The following SI variants were observed in gnomAD, a reference collection of about 807,000 sequenced individuals.
The protein encoded by SI is sucrase-isomaltase.
In SI, 235 loss-of-function variants were observed where a neutral mutation model predicts 253.3. The ratio of observed to expected loss-of-function variants is 0.93; its 90% CI spans 0.83 to 1.03. The LOEUF (loss-of-function observed/expected upper bound fraction) is 1.03, where lower values mean the gene tolerates loss of function less well. Among genes scored for constraint, SI ranks in the 50% least tolerant of loss-of-function variants. SI has a pLI of 0.00. For synonymous variants in SI, 819 were observed against 712.0 expected, an observed-to-expected ratio of 1.15 and a Z score of -2.39; for missense variants, 2,442 against 2,211.1, an observed-to-expected ratio of 1.10 and a Z score of -2.09.
chr3:165,017,476 T>C (rs1042047638), intron 31 of SI, 72 bp downstream of exon 31: 34 of 1,441,560 alleles, frequency 2.4e-5, no homozygotes, highest in Non-Finnish European at 3.2e-5. Context: ...AATTAAAGTA[T>C]ACATGTTTAA....
upstream of SI, among the ~76,000 whole-genome samples, chr3:165,079,531 T>C (rs569292754): frequency 2.0e-5 from 3 of 151,830 alleles, no homozygotes; most frequent in African/African-American, 4.8e-5. Context: ...TTTCAGTATA[T>C]AAAATCAGTT....
chr3:165,017,042 G>A (rs1719068400), intron 31 of SI, among the ~76,000 whole-genome samples: 1 of 151,778 alleles, frequency 6.6e-6, no homozygotes, highest in African/African-American at 2.4e-5. Context: ...AAAAAATGAG[G>A]AAATTCAGAG....
chr3:165,004,552 A>G (rs975273397), intron 37 of SI, among the ~76,000 whole-genome samples: 8 of 152,138 alleles, frequency 5.3e-5, no homozygotes, highest in African/African-American at 1.9e-4. Context: ...AGTGTCCATC[A>G]ACAGATGATT....
upstream of SI, among the ~76,000 whole-genome samples, chr3:165,081,589 A>G (rs1290551786): frequency 6.6e-6 from 1 of 152,026 alleles, no homozygotes; most frequent in Non-Finnish European, 1.5e-5. Flanking sequence ...GATGCAACAA[A>G]AAGACAAAAA....
intron 26 of SI, 49 bp from the exon 27 acceptor site, chr3:165,021,432 A>C (rs1345378843): frequency 7.1e-6 from 10 of 1,404,158 alleles, no homozygotes; most frequent in Non-Finnish European, 1.0e-5. Flanking sequence ...CTGACATAGC[A>C]TGTACATATC....
chr3:165,012,925 C>T (rs1718834980), intron 34 of SI, 55 bp downstream of exon 34: 4 of 1,077,192 alleles, frequency 3.7e-6, no homozygotes, highest in Non-Finnish European at 5.8e-6. Context: ...TTAAAATAAT[C>T]AAGTCTAAGT....
At chr3:164,992,979 A>G (rs1717842128) in intron 41 of SI, among the ~76,000 whole-genome samples, 1 of 151,734 alleles carries the variant, frequency 6.6e-6, no homozygotes, top group Non-Finnish European at 1.5e-5. Flanking sequence ...CCACTATTAA[A>G]TGTTCACATT....
chr3:164,991,054 C>T (rs1002414273), intron 44 of SI, among the ~76,000 whole-genome samples: 3 of 151,932 alleles, frequency 2.0e-5, no homozygotes, highest in African/African-American at 7.2e-5. Flanking sequence ...TTTTCCTAAA[C>T]CTGGGGTTCC....
intron 3 of SI, among the ~76,000 whole-genome samples, chr3:165,072,984 T>G (rs1714680335): frequency 6.6e-6 from 1 of 152,124 alleles, no homozygotes; most frequent in Admixed American, 6.6e-5. Context: ...TTTAACTTGC[T>G]TACTTCACAA....
the SI span, among the ~76,000 whole-genome samples, chr3:165,085,990 A>G: frequency 6.6e-6 from 1 of 152,040 alleles, no homozygotes; most frequent in Non-Finnish European, 1.5e-5. Context: ...GTGGTGATTC[A>G]CCCCTGTAAT....
intron 32 of SI, among the ~76,000 whole-genome samples, chr3:165,015,660 T>C (rs1467629031): frequency 1.3e-5 from 2 of 152,062 alleles, no homozygotes; most frequent in Admixed American, 1.3e-4. Flanking sequence ...ACCATTACAT[T>C]TTGATAACTC....
At chr3:164,998,321 C>T (rs922009902) in intron 38 of SI, among the ~76,000 whole-genome samples, 2 of 151,876 alleles carry the variant, frequency 1.3e-5, no homozygotes, top group South Asian at 4.1e-4. Context: ...AACAATGACA[C>T]CATTTCCTCA....
intron 44 of SI, among the ~76,000 whole-genome samples, chr3:164,989,040 C>T (rs1717572646): frequency 6.6e-6 from 1 of 151,560 alleles, no homozygotes; most frequent in Non-Finnish European, 1.5e-5. Context: ...ACATATGTAA[C>T]TAACCTGCAC....
At chr3:165,048,567 G>GTGTATA (rs1344341326) in intron 15 of SI, among the ~76,000 whole-genome samples, 2 of 123,848 alleles carry the variant, frequency 1.6e-5, no homozygotes, top group South Asian at 2.6e-4. Flanking sequence ...ATATATATAT[G>GTGTATA]TATATATATA....
intron 47 of SI, among the ~76,000 whole-genome samples, chr3:164,981,388 G>A (rs996952953): frequency 6.6e-6 from 1 of 152,006 alleles, no homozygotes; most frequent in South Asian, 2.1e-4. Context: ...CACCTACAAG[G>A]ACCTAGGACT....
intron 34 of SI, among the ~76,000 whole-genome samples, chr3:165,010,691 T>C (rs897896001): frequency 6.6e-6 from 1 of 152,194 alleles, no homozygotes; most frequent in Non-Finnish European, 1.5e-5. Context: ...TTCTATTAGC[T>C]GGCTGCTTCT....
intron 37 of SI, among the ~76,000 whole-genome samples, chr3:165,005,362 T>G (rs918904928): frequency 2.3e-4 from 35 of 152,162 alleles, no homozygotes; most frequent in Non-Finnish European, 8.8e-5. Context: ...AATTGGATTG[T>G]TTGTAACACA....
chr3:165,089,967 A>T, the SI span, among the ~76,000 whole-genome samples: 4 of 152,248 alleles, frequency 2.6e-5, no homozygotes, highest in East Asian at 5.8e-4. Context: ...CATAGGACAG[A>T]GCAAGAAGGT....
At chr3:165,072,972 A>T (rs1420208521) in intron 3 of SI, among the ~76,000 whole-genome samples, 2 of 152,128 alleles carry the variant, frequency 1.3e-5, no homozygotes, top group Non-Finnish European at 2.9e-5. Context: ...TATTGGCTGA[A>T]GTTTAACTTG....
Sources: gnomAD v4.1 joint callset for allele counts (sites outside exome capture counted in the v4.1 genomes callset) on GRCh38, gnomAD v4.1.1 for gene constraint, MANE v1.5 for transcripts, NCBI Gene and HGNC (gene_info 2026-07-23, HGNC 2026-07-21) for gene names.